The following BRD4 variants were observed in gnomAD, a reference collection of about 807,000 sequenced individuals.
The protein encoded by BRD4 is bromodomain containing 4.
In BRD4, 16 loss-of-function variants were observed where a neutral mutation model predicts 142.1. The ratio of observed to expected loss-of-function variants is 0.11; its 90% CI spans 0.08 to 0.17. The LOEUF (loss-of-function observed/expected upper bound fraction) is 0.17, where lower values mean the gene tolerates loss of function less well. Ranked by LOEUF, BRD4 falls within the 10% of genes least tolerant of loss-of-function variation. The pLI, the probability that BRD4 is intolerant of heterozygous loss-of-function variation, is 1.00. For synonymous variants in BRD4, 833 were observed against 707.5 expected (o/e 1.18, Z -2.82); for missense variants, 1,424 against 1,810.9 (o/e 0.79, Z 3.88).
intron 1 of BRD4, among the ~76,000 whole-genome samples, chr19:15,273,714 A>G (rs1381204007): frequency 1.3e-5 from 2 of 152,152 alleles, no homozygotes; most frequent in African/African-American, 4.8e-5. Flanking sequence ...CCTACTAAGA[A>G]TATTTTCTTG....
chr19:15,280,149 C>T (rs1172895549), intron 1 of BRD4: 1 of 686,590 alleles, frequency 1.5e-6, no homozygotes, highest in Non-Finnish European at 1.8e-6. Context: ...ACTTTATCAT[C>T]TTCATCATCA....
chr19:15,290,320 G>A (rs1176196078), intron 1 of BRD4, among the ~76,000 whole-genome samples: 3 of 152,146 alleles, frequency 2.0e-5, no homozygotes, highest in Non-Finnish European at 4.4e-5. Context: ...TCTTCAAGAC[G>A]CAGCACTGAC....
intron 7 of BRD4, among the ~76,000 whole-genome samples, chr19:15,261,216 G>T (rs2145588039): frequency 1.3e-5 from 2 of 152,348 alleles, no homozygotes; most frequent in Non-Finnish European, 2.9e-5. Context: ...GCCGGGCACG[G>T]TGGCTCACGC....
At chr19:15,322,970 G>T (rs111797292) in intron 1 of BRD4, among the ~76,000 whole-genome samples, 28 of 150,742 alleles carry the variant, frequency 1.9e-4, no homozygotes, top group African/African-American at 6.3e-4. Context: ...GAATGGCGTG[G>T]ACCTGGGAGG....
chr19:15,273,453 C>T (rs564356559), intron 1 of BRD4, among the ~76,000 whole-genome samples: 51 of 152,382 alleles, frequency 3.3e-4, no homozygotes, highest in African/African-American at 1.2e-3. Flanking sequence ...CCACGTCTCA[C>T]AAACCTGCAC....
intron 1 of BRD4, among the ~76,000 whole-genome samples, chr19:15,291,244 G>A (rs145578837): frequency 3.6e-4 from 55 of 152,272 alleles, no homozygotes; most frequent in African/African-American, 1.3e-3. Context: ...GCAGGTGCCT[G>A]GGGATGACTC....
chr19:15,317,075 A>G (rs1240382405), intron 1 of BRD4, among the ~76,000 whole-genome samples: 1 of 152,194 alleles, frequency 6.6e-6, no homozygotes, highest in African/African-American at 2.4e-5. Flanking sequence ...GGACTCCCAC[A>G]GCTTATGCCA....
intron 1 of BRD4, among the ~76,000 whole-genome samples, chr19:15,298,620 C>CAAAAAAAAAAAAAAAAAA (rs57719337): frequency 1.5e-5 from 1 of 66,038 alleles, no homozygotes; most frequent in African/African-American, 6.1e-5. Context: ...GACTCCAACT[C>CAAAAAAAAAAAAAAAAAA]AAAAAAAAAA....
intron 11 of BRD4, chr19:15,253,402 C>T (rs1006208863): frequency 1.5e-6 from 1 of 687,750 alleles, no homozygotes; most frequent in Non-Finnish European, 2.4e-6. Context: ...CACTACCTGC[C>T]TCCACCTCCC....
intron 11 of BRD4, among the ~76,000 whole-genome samples, chr19:15,251,874 T>G (rs1209953503): frequency 1.3e-5 from 2 of 151,698 alleles, no homozygotes; most frequent in African/African-American, 2.4e-5. Context: ...AAACCCAAGG[T>G]GGGGAGGGCG....
intron 1 of BRD4, among the ~76,000 whole-genome samples, chr19:15,306,885 C>T (rs2047918853): frequency 6.6e-6 from 1 of 152,094 alleles, no homozygotes; most frequent in Non-Finnish European, 1.5e-5. Context: ...GGTCACATTA[C>T]CAAAATGTGA....
intron 14 of BRD4, 48 bp from the exon 15 acceptor site, chr19:15,240,070 T>TGGC: frequency 6.4e-7 from 1 of 1,557,958 alleles, no homozygotes; most frequent in South Asian, 1.2e-5. Flanking sequence ...TTAGAACTGC[T>TGGC]GGCCCTGAGA....
intron 1 of BRD4, chr19:15,280,121 C>T (rs2047691176): frequency 2.4e-6 from 1 of 417,774 alleles, no homozygotes; most frequent in Admixed American, 6.4e-5. Context: ...ACACAACAAC[C>T]CTAAAAAGCA....
At chr19:15,317,638 G>A (rs571824844) in intron 1 of BRD4, among the ~76,000 whole-genome samples, 20 of 152,212 alleles carry the variant, frequency 1.3e-4, no homozygotes, top group Admixed American at 1.3e-4. Flanking sequence ...TGGTGGTGGT[G>A]GTGGTCAGGA....
chr19:15,325,446 C>CA (rs2048099030), intron 1 of BRD4, among the ~76,000 whole-genome samples: 1 of 152,108 alleles, frequency 6.6e-6, no homozygotes, highest in Non-Finnish European at 1.5e-5. Context: ...TTTCAGGAAA[C>CA]AAAGTCCAAC....
intron 1 of BRD4, among the ~76,000 whole-genome samples, chr19:15,296,317 C>T (rs1340853257): frequency 2.6e-5 from 4 of 152,216 alleles, no homozygotes; most frequent in African/African-American, 9.6e-5. Flanking sequence ...GATACACAAA[C>T]ATCAACTGCT....
Position 15,265,400 on chromosome 19 carries a change from A to G in BRD4, c.803T>C (p.Val268Ala), listed in dbSNP as rs2145602901. Residue 268 changes from valine (V) to alanine (A), a missense_variant, in exon 5 of 20, where the codon GTA becomes GCA. By Grantham distance (64) the Val-to-Ala change is moderately conservative (BLOSUM62 0). This residue lies in a region of BRD4 where 140 missense variants were observed against 131.7 expected (regional missense o/e 1.06). Coordinates refer to ENST00000679869, the MANE Select transcript of BRD4 (RefSeq NM_001379291.1). Reference sequence around the variant, plus strand: ...CGCGATGATGGGTGGGTGGCTCTGTACGGGCTGGGGAGCTGGAGCGGGTGG... The same window carrying G: ...CGCGATGATGGGTGGGTGGCTCTGTGCGGGCTGGGGAGCTGGAGCGGGTGG... Reference protein sequence around the residue: ...QPPPAPAPQPVQSHPPIIAAT... With the variant: ...QPPPAPAPQPAQSHPPIIAAT... The G allele has an allele frequency of 6.6e-7, 1 of 1,526,572 alleles. No individual in the cohort carries two copies. Among genetic ancestry groups the G allele is most frequent in the Non-Finnish European group, 8.8e-7 (1 of 1,137,516 alleles). The allele number at this position is 1,526,572 out of a possible 1,614,324, so 94.6% of individuals were successfully genotyped here.
At chr19:15,297,803 C>T (rs7253596) in intron 1 of BRD4, among the ~76,000 whole-genome samples, 32,081 of 152,082 alleles carry the variant, frequency 0.21, 3,719 homozygotes, top group African/African-American at 0.31. Context: ...CAGAAACCAG[C>T]TGGAAAATTG....
At chr19:15,327,139 A>G (rs889552662) in intron 1 of BRD4, among the ~76,000 whole-genome samples, 1 of 152,224 alleles carries the variant, frequency 6.6e-6, no homozygotes, top group South Asian at 2.1e-4. Context: ...TAAGTACTAG[A>G]AACATCAATG....
Sources: allele counts gnomAD v4.1 joint callset (sites outside exome capture counted in the v4.1 genomes callset), GRCh38; gene constraint gnomAD v4.1.1; regional missense constraint gnomAD v4.1.1; transcripts MANE v1.5; gene names NCBI Gene and HGNC (gene_info 2026-07-23, HGNC 2026-07-21).